FOCAD: variants seen among roughly 807,000 people sequenced by gnomAD.
The protein encoded by FOCAD is focadhesin, also known as KIAA1797.
In FOCAD, 198 loss-of-function variants were observed where a neutral mutation model predicts 225.6. The ratio of observed to expected loss-of-function variants is 0.88; its 90% CI spans 0.78 to 0.99. The LOEUF is 0.99. Ranked by LOEUF, FOCAD falls within the 50% of genes least tolerant of loss-of-function variation. The pLI is 0.00. For synonymous variants in FOCAD, 897 were observed against 755.0 expected (o/e 1.19, Z -3.08); for missense variants, 2,713 against 2,123.6 (o/e 1.28, Z -5.46).
intron 9 of FOCAD, among the ~76,000 whole-genome samples, chr9:20,778,971 C>T (rs1035787420): frequency 5.3e-5 from 8 of 152,072 alleles, no homozygotes; most frequent in African/African-American, 1.2e-4. Context: ...CCAAGTATCT[C>T]GGCTGCATGT....
At chr9:20,659,122 A>C (rs1260212601) in intron 2 of FOCAD, among the ~76,000 whole-genome samples, 7 of 152,142 alleles carry the variant, frequency 4.6e-5, no homozygotes, top group Non-Finnish European at 1.0e-4. Context: ...TGGCAGGCTG[A>C]GGAAGGATAA....
chr9:20,803,675 A>G (rs1365182728), intron 11 of FOCAD, among the ~76,000 whole-genome samples: 1 of 152,120 alleles, frequency 6.6e-6, no homozygotes, highest in Admixed American at 6.5e-5. Flanking sequence ...CTGTTCTGTT[A>G]GAGAGTATCT....
chr9:20,803,666 T>G (rs1822080508), intron 11 of FOCAD, among the ~76,000 whole-genome samples: 1 of 152,114 alleles, frequency 6.6e-6, no homozygotes. Context: ...GGTTGTGGTC[T>G]GTTCTGTTAG....
chr9:20,770,134 A>T lies in FOCAD; in HGVS notation c.802A>T (p.Met268Leu). 6.2e-7 allele frequency: 1 copy of T among 1,614,104 alleles called. No homozygotes were observed. The highest frequency in any genetic ancestry group is 8.5e-7 in the Non-Finnish European group (1 of 1,179,984). The part of the protein sequence containing the change: ...PVFWKIQLTQ[M>L]SLQLLCVSEV... ...TTTCTGGAAAATTCAGCTTACCCAG[A>T]TGAGTCTTCAGCTGCTGTGTGTCAG... The change falls in exon 8 of 44, where the codon ATG (methionine) becomes TTG (leucine). Residue 268 changes from methionine to leucine, a missense_variant. By Grantham distance (15) the Met-to-Leu change is conservative (BLOSUM62 2). Transcript: ENST00000338382.
chr9:20,734,359 CA>C (rs2131622968), intron 4 of FOCAD, among the ~76,000 whole-genome samples: 1 of 152,298 alleles, frequency 6.6e-6, no homozygotes, highest in African/African-American at 2.4e-5. Flanking sequence ...ACCCCAGTGA[CA>C]TTGAAATCCC....
chr9:20,707,505 T>G (rs1040993577), intron 1 of FOCAD, among the ~76,000 whole-genome samples: 1 of 152,180 alleles, frequency 6.6e-6, no homozygotes, highest in African/African-American at 2.4e-5. Flanking sequence ...CCAATAGTCT[T>G]ATGGATATTA....
intron 40 of FOCAD, among the ~76,000 whole-genome samples, chr9:20,986,922 T>G (rs1841221355): frequency 6.6e-6 from 1 of 152,228 alleles, no homozygotes; most frequent in Non-Finnish European, 1.5e-5. Flanking sequence ...CCACCCTGTC[T>G]GCATTAGCAA....
intron 15 of FOCAD, among the ~76,000 whole-genome samples, chr9:20,845,750 C>G (rs1827041164): frequency 6.6e-6 from 1 of 151,942 alleles, no homozygotes; most frequent in Admixed American, 6.6e-5. Flanking sequence ...ATAAGCTTTT[C>G]TGCATAGGAT....
intron 11 of FOCAD, among the ~76,000 whole-genome samples, chr9:20,819,086 A>G (rs989699916): frequency 2.0e-5 from 3 of 152,300 alleles, no homozygotes; most frequent in Middle Eastern, 3.4e-3. Context: ...GCTCCTTTAT[A>G]GTACACTGAC....
intron 1 of FOCAD, among the ~76,000 whole-genome samples, chr9:20,689,369 C>T (rs773390840): frequency 9.7e-5 from 14 of 144,390 alleles, no homozygotes; most frequent in Non-Finnish European, 1.5e-4. Context: ...TCCTAATTTC[C>T]GAGGTTTAGA....
chr9:20,847,243 G>C (rs1277480216), intron 15 of FOCAD, among the ~76,000 whole-genome samples: 3 of 151,804 alleles, frequency 2.0e-5, no homozygotes, highest in Admixed American at 2.0e-4. Flanking sequence ...CTCTTTACCC[G>C]AGCCCTACAC....
chr9:20,708,236 A>G (rs951824857), intron 1 of FOCAD, among the ~76,000 whole-genome samples: 2 of 152,170 alleles, frequency 1.3e-5, no homozygotes, highest in Admixed American at 1.3e-4. Context: ...TTGTCAAAAT[A>G]TTTGTTTAAA....
intron 24 of FOCAD, among the ~76,000 whole-genome samples, chr9:20,922,313 A>G (rs1299491187): frequency 1.3e-5 from 2 of 151,584 alleles, no homozygotes; most frequent in African/African-American, 4.8e-5. Context: ...CTAACTTTTG[A>G]CAGGCCTTAT....
intron 35 of FOCAD, among the ~76,000 whole-genome samples, chr9:20,961,160 CCTCCCCTCCG>C (rs1179056189): frequency 1.3e-5 from 2 of 151,720 alleles, no homozygotes; most frequent in Non-Finnish European, 2.9e-5. Context: ...CCACTCCTCC[CCTCCCCTCCG>C]CTCCCCTCCT....
chr9:20,876,316 T>G (rs1830219145), intron 19 of FOCAD, among the ~76,000 whole-genome samples: 1 of 152,192 alleles, frequency 6.6e-6, no homozygotes, highest in Non-Finnish European at 1.5e-5. Flanking sequence ...TTATCCAAAG[T>G]TCTTTCTTTA....
chr9:20,714,758 A>T (rs1436003843), intron 1 of FOCAD, among the ~76,000 whole-genome samples: 1 of 151,632 alleles, frequency 6.6e-6, no homozygotes, highest in East Asian at 1.9e-4. Context: ...ATGATAAGTG[A>T]GATATAAATA....
chr9:20,933,226 G>C, intron 28 of FOCAD, 123 bp downstream of exon 28: 1 of 668,326 alleles, frequency 1.5e-6, no homozygotes, highest in Non-Finnish European at 2.5e-6. Context: ...GGTTATTGGG[G>C]AACAGGTGGT....
chr9:20,860,256 C>T (rs1227655227), intron 15 of FOCAD, among the ~76,000 whole-genome samples: 7 of 151,984 alleles, frequency 4.6e-5, no homozygotes, highest in Admixed American at 4.6e-4. Context: ...TTTTTCTGTT[C>T]CAGGATCCCA....
chr9:20,752,431 C>G (rs1587016898), intron 5 of FOCAD, among the ~76,000 whole-genome samples: 1 of 152,220 alleles, frequency 6.6e-6, no homozygotes, highest in African/African-American at 2.4e-5. Flanking sequence ...TTCCCCATTG[C>G]TTGTTTTTCT....
Sources: gnomAD v4.1 joint callset for allele counts (sites outside exome capture counted in the v4.1 genomes callset) on GRCh38, gnomAD v4.1.1 for gene constraint, MANE v1.5 for transcripts, NCBI Gene and HGNC (gene_info 2026-07-23, HGNC 2026-07-21) for gene names.